ENTPD1: variants seen among roughly 807,000 people sequenced by gnomAD.
ENTPD1 encodes the protein ATP diphosphohydrolase.
ENTPD1 carries 33 observed loss-of-function variants against 57.0 expected under a neutral mutation model. That is an observed-to-expected ratio of 0.58 (90% CI 0.44 to 0.77). The LOEUF (loss-of-function observed/expected upper bound fraction) is 0.77, where lower values mean the gene tolerates loss of function less well. Ranked by LOEUF, ENTPD1 falls within the 30% of genes least tolerant of loss-of-function variation. The pLI is 0.00. For missense variants in ENTPD1, 501 were observed against 603.4 expected (o/e 0.83, Z 1.78); for synonymous variants, 202 against 218.8 (o/e 0.92, Z 0.68).
chr10:95,750,955 G>A (rs1006606505), upstream of ENTPD1, among the ~76,000 whole-genome samples: 8 of 146,072 alleles, frequency 5.5e-5, no homozygotes, highest in African/African-American at 2.1e-4. Flanking sequence ...CCTGGGAGGC[G>A]GAGGTTGCAG....
At chr10:95,796,943 A>G (rs940897945) in intron 1 of ENTPD1, among the ~76,000 whole-genome samples, 2 of 151,882 alleles carry the variant, frequency 1.3e-5, no homozygotes, top group African/African-American at 4.8e-5. Context: ...GCGGTGGTGC[A>G]CGCCCGTAGT....
At chr10:95,770,094 A>T (rs971312195) in intron 1 of ENTPD1, among the ~76,000 whole-genome samples, 1 of 151,714 alleles carries the variant, frequency 6.6e-6, no homozygotes, top group East Asian at 1.9e-4. Context: ...ACTGAGTGAG[A>T]CAGGATTTAA....
At chr10:95,761,325 A>G (rs2098061229) in intron 1 of ENTPD1, among the ~76,000 whole-genome samples, 1 of 152,184 alleles carries the variant, frequency 6.6e-6, no homozygotes, top group African/African-American at 2.4e-5. Context: ...AGTATGTATC[A>G]TTAGAGAACT....
chr10:95,805,841 A>G (rs1390433196), intron 1 of ENTPD1, among the ~76,000 whole-genome samples: 1 of 152,166 alleles, frequency 6.6e-6, no homozygotes, highest in Non-Finnish European at 1.5e-5. Context: ...TGGCTTGTAG[A>G]GTTTCTGCCC....
chr10:95,876,398 A>G lies in ENTPD1; in HGVS notation c.*10015A>G, dbSNP rs1273849022. 1.1e-5 allele frequency: 13 copies of G among 1,231,274 alleles called. No individual in the cohort carries two copies. The highest frequency in any genetic ancestry group is 1.6e-5 in the African/African-American group (1 of 64,402). 76.3% of individuals were successfully genotyped at this position (1,231,274 alleles called of 1,614,324 possible). On this transcript the variant is annotated 3_prime_UTR_variant, in exon 10 of 10. Transcript: ENST00000371205. ...CCAATTCTAAGTTTTTCTTGATGGT[A>G]AATCATAATGTTCCCTTTCTCCTCG...
Position 95,836,210 on chromosome 10 carries a change from T to A in ENTPD1, c.145-3481T>A, listed in dbSNP as rs555516845. ...ATCTATTTCTGTACCAGTACCATGC[T>A]GTTTTAGTTATCATAGCTTTGTGGT... is the stretch of plus-strand genomic sequence containing the variant. On this transcript the variant is annotated intron_variant, in intron 2 of 9. Coordinates refer to ENST00000371205, the MANE Select transcript of ENTPD1 (RefSeq NM_001776.6). Among the ~76,000 whole-genome samples the A allele has an allele frequency of 5.3e-5, 8 of 152,332 alleles. No individual in the cohort carries two copies. The East Asian group carries it at 1.5e-3, about 29-fold the overall frequency.
chr10:95,707,856 T>C (rs1331556542), upstream of ENTPD1, among the ~76,000 whole-genome samples: 1 of 152,212 alleles, frequency 6.6e-6, no homozygotes, highest in Admixed American at 6.5e-5. Flanking sequence ...CTGCCCACCT[T>C]GGCATCCCAA....
the ENTPD1 span, among the ~76,000 whole-genome samples, chr10:95,702,521 C>T: frequency 6.6e-6 from 1 of 151,540 alleles, no homozygotes; most frequent in Non-Finnish European, 1.5e-5. Flanking sequence ...GGTAGAAATA[C>T]TGATATGTAA....
chr10:95,777,501 G>A (rs780282070), intron 1 of ENTPD1, among the ~76,000 whole-genome samples: 1 of 152,188 alleles, frequency 6.6e-6, no homozygotes, highest in Admixed American at 6.5e-5. Context: ...AGCAAATATT[G>A]CTGCCTGATC....
chr10:95,725,913 C>A (rs1386902135), intron 1 of ENTPD1, among the ~76,000 whole-genome samples: 5 of 152,224 alleles, frequency 3.3e-5, no homozygotes, highest in African/African-American at 9.6e-5. Flanking sequence ...TTTCCCTGTT[C>A]ACATCTAGCT....
chr10:95,770,442 T>A (rs1163339992), intron 1 of ENTPD1, among the ~76,000 whole-genome samples: 1 of 152,098 alleles, frequency 6.6e-6, no homozygotes, highest in Non-Finnish European at 1.5e-5. Flanking sequence ...ACAGTGAATG[T>A]TGAAAGTTGT....
In ENTPD1 at chr10:95,847,469, G is replaced by C. The variant is rs1292775443; in HGVS notation, c.837G>C (p.Arg279Ser). The C allele has an allele frequency of 5.6e-6, 9 of 1,614,098 alleles. No individual in the cohort carries two copies. Among genetic ancestry groups the C allele is most frequent in the Non-Finnish European group, 7.6e-6 (9 of 1,180,008 alleles). Residue 279 changes from arginine to serine, a missense_variant, in exon 7 of 10, where the codon AGG (arginine) becomes AGC (serine). Coordinates refer to ENST00000371205, the MANE Select transcript of ENTPD1 (RefSeq NM_001776.6). ...AGGTTGCAAGTAATGAAATTCTCAG[G>C]GACCCATGCTTTCATCCTGGATATA... ...DIQVASNEILRDPCFHPGYKK... is the reference protein window; with the variant it reads ...DIQVASNEILSDPCFHPGYKK...
chr10:95,845,681 T>C (rs757688099), intron 6 of ENTPD1, 85 bp downstream of exon 6: 1 of 1,610,950 alleles, frequency 6.2e-7, no homozygotes, highest in East Asian at 2.2e-5. Context: ...TCAAATTCAG[T>C]AGTTTGTCTG....
intron 1 of ENTPD1, among the ~76,000 whole-genome samples, chr10:95,806,829 C>A (rs528918490): frequency 6.6e-6 from 1 of 152,320 alleles, no homozygotes; most frequent in South Asian, 2.1e-4. Flanking sequence ...GGCTGCAGAA[C>A]AGCAAATATT....
the ENTPD1 span, among the ~76,000 whole-genome samples, chr10:95,694,862 G>A: frequency 1.3e-5 from 2 of 149,560 alleles, no homozygotes; most frequent in African/African-American, 2.5e-5. Flanking sequence ...GCAATTGTGC[G>A]CTTGAAATGT....
At chr10:95,747,917 G>C (rs1433747966) in intron 1 of ENTPD1, among the ~76,000 whole-genome samples, 2 of 151,672 alleles carry the variant, frequency 1.3e-5, no homozygotes, top group Non-Finnish European at 2.9e-5. Flanking sequence ...TGTCGCCCAG[G>C]CTGGAGTGCA....
chr10:95,828,377 A>G (rs1371137001), intron 2 of ENTPD1, among the ~76,000 whole-genome samples: 1 of 152,172 alleles, frequency 6.6e-6, no homozygotes, highest in Non-Finnish European at 1.5e-5. Context: ...TTGATTCTAC[A>G]TTATGGTGAG....
intron 2 of ENTPD1, among the ~76,000 whole-genome samples, chr10:95,839,122 G>A (rs892496685): frequency 4.6e-5 from 7 of 152,032 alleles, no homozygotes; most frequent in South Asian, 2.1e-4. Flanking sequence ...TATTTATTAC[G>A]TCTTACTGGC....
chr10:95,721,654 G>A (rs887135267), intron 1 of ENTPD1, among the ~76,000 whole-genome samples: 3 of 150,760 alleles, frequency 2.0e-5, no homozygotes, highest in Non-Finnish European at 4.4e-5. Flanking sequence ...CATCTTAGGG[G>A]CGTTTTTGCC....
Sources: gnomAD v4.1 joint callset for allele counts (sites outside exome capture counted in the v4.1 genomes callset) on GRCh38, gnomAD v4.1.1 for gene constraint, MANE v1.5 for transcripts, NCBI Gene and HGNC (gene_info 2026-07-23, HGNC 2026-07-21) for gene names.